The following TTC7A variants were observed in gnomAD, a reference collection of about 807,000 sequenced individuals.
TTC7A encodes tetratricopeptide repeat protein 7A.
A neutral mutation model predicts 103.7 loss-of-function variants in TTC7A; 110 were observed. That is an observed-to-expected ratio of 1.06 (90% CI 0.91 to 1.24). The LOEUF (loss-of-function observed/expected upper bound fraction) is 1.24. TTC7A is among the 50% of genes most tolerant of loss of function. The pLI is 0.00. For synonymous variants in TTC7A, 521 were observed against 467.9 expected (o/e 1.11, Z -1.47); for missense variants, 1,340 against 1,116.3 (o/e 1.20, Z -2.86).
chr2:46,978,983 T>A (rs933691340), intron 5 of TTC7A, 76 bp downstream of exon 5: 11 of 973,864 alleles, frequency 1.1e-5, no homozygotes, highest in Admixed American at 1.9e-5. Context: ...TTAAGGCTGC[T>A]CTCCCTCTTC....
At chr2:47,036,718 C>T (rs1681146744) in intron 15 of TTC7A, among the ~76,000 whole-genome samples, 1 of 152,292 alleles carries the variant, frequency 6.6e-6, no homozygotes, top group African/African-American at 2.4e-5. Flanking sequence ...GTTAACCAGG[C>T]GTGGTGGCAC....
At position 46,961,489 on chromosome 2, in the gene TTC7A, A is replaced by G. The variant is rs181805605; in HGVS notation, c.517+4482A>G. ...CTACTCAGGAGGCTGAGGCAGGAGA[A>G]TGGCATGAACCCGGGAGGCGGAGCT... On this transcript the variant is annotated intron_variant, in intron 3 of 19. Coordinates refer to ENST00000319190, the MANE Select transcript of TTC7A (RefSeq NM_020458.4). Among the ~76,000 whole-genome samples, 839 of 152,108 alleles carry G rather than the reference A, an allele frequency of 5.5e-3. 14 individuals are homozygous for G. Among genetic ancestry groups the G allele is most frequent in the African/African-American group, 0.019 (777 of 41,476 alleles).
upstream of TTC7A, among the ~76,000 whole-genome samples, chr2:46,936,465 C>T (rs1195537612): frequency 1.3e-5 from 2 of 152,108 alleles, no homozygotes; most frequent in African/African-American, 4.8e-5. Flanking sequence ...CCTCTGTCTG[C>T]TGGGAACTGT....
In TTC7A at chr2:47,053,837, G is replaced by C. The variant is rs111669703; in HGVS notation, c.2152+1957G>C. Among the ~76,000 whole-genome samples the C allele has an allele frequency of 1.5e-3, 236 of 152,354 alleles. 2 individuals are homozygous for C. The highest frequency in any genetic ancestry group is 5.3e-3 in the African/African-American group (221 of 41,580). On this transcript the variant is annotated intron_variant, in intron 18 of 19. Transcript: ENST00000319190. ...GATCTGCCCGCCGTGGCCCACCAAA[G>C]TGCTGGGATTACAGGCGTGAGCCAC...
At chr2:46,954,136 C>T (rs1291903476) in intron 2 of TTC7A, among the ~76,000 whole-genome samples, 1 of 152,184 alleles carries the variant, frequency 6.6e-6, no homozygotes, top group Admixed American at 6.5e-5. Context: ...GATCACACCC[C>T]CACTTTTATA....
chr2:47,061,074 C>A (rs2104780543), intron 19 of TTC7A, 103 bp downstream of exon 19: 1 of 1,229,246 alleles, frequency 8.1e-7, no homozygotes, highest in Non-Finnish European at 1.1e-6. Flanking sequence ...CCTGCCTGTG[C>A]CTTGCTACTG....
intron 5 of TTC7A, among the ~76,000 whole-genome samples, chr2:46,979,812 G>A (rs557732799): frequency 6.6e-6 from 1 of 152,332 alleles, no homozygotes; most frequent in South Asian, 2.1e-4. Flanking sequence ...AGAGGCTTTG[G>A]GCCCCTTCCT....
intron 16 of TTC7A, among the ~76,000 whole-genome samples, chr2:47,048,729 A>G (rs1034758494): frequency 2.0e-5 from 3 of 152,050 alleles, no homozygotes; most frequent in African/African-American, 7.2e-5. Flanking sequence ...CAGCCTCCCA[A>G]ATAGCTGGGA....
chr2:46,974,153 GA>G (rs1402759937), intron 3 of TTC7A, among the ~76,000 whole-genome samples: 3 of 152,224 alleles, frequency 2.0e-5, no homozygotes, highest in Non-Finnish European at 2.9e-5. Flanking sequence ...GCGAGGTCTG[GA>G]ATAAAGAAAG....
chr2:47,060,864 A>T lies in TTC7A; in HGVS notation c.2248A>T (p.Met750Leu). The stretch of plus-strand genomic sequence containing the variant: ...CCCCACTTCTCACTCAGTACTCTAT[A>T]TGCGGGGCCGGCTGGCTGAGGTGAA... ...LFPTSHSVLY[M>L]RGRLAEVKGN... The change falls in exon 19 of 20, where the codon ATG (methionine) becomes TTG (leucine). Residue 750 changes from methionine (M) to leucine (L), a missense_variant. Transcript: ENST00000319190. 1 of 1,614,164 alleles carries T rather than the reference A, an allele frequency of 6.2e-7. No homozygotes were observed.
At chr2:46,987,430 C>T (rs1473528662) in intron 5 of TTC7A, among the ~76,000 whole-genome samples, 4 of 152,178 alleles carry the variant, frequency 2.6e-5, no homozygotes, top group Non-Finnish European at 5.9e-5. Flanking sequence ...AGCTGGTTGT[C>T]CCTGTCAGTG....
chr2:47,060,897 C>A lies in TTC7A; in HGVS notation c.2281C>A (p.Leu761Met). The change falls in exon 19 of 20, where the codon CTG becomes ATG. Residue 761 changes from leucine to methionine, a missense_variant. Physicochemically the swap from Leu to Met is conservative, Grantham distance 15. Transcript: ENST00000319190. ...CCGGCTGGCTGAGGTGAAGGGCAACCTGGAGGAGGCCAAGCAGCTGTACAA... is the reference window on the plus strand; with the variant it reads ...CCGGCTGGCTGAGGTGAAGGGCAACATGGAGGAGGCCAAGCAGCTGTACAA... The part of the protein sequence containing the change: ...RGRLAEVKGN[L>M]EEAKQLYKEA... 6.2e-7 allele frequency: 1 copy of A among 1,614,208 alleles called. No homozygotes were observed. Among genetic ancestry groups the A allele is most frequent in the Middle Eastern group, 1.6e-4 (1 of 6,062 alleles).
chr2:47,046,039 G>T (rs1361706837), intron 15 of TTC7A, among the ~76,000 whole-genome samples: 2 of 152,236 alleles, frequency 1.3e-5, no homozygotes, highest in African/African-American at 4.8e-5. Flanking sequence ...AGATGGGCAG[G>T]ATGGCACATG....
At chr2:47,006,155 C>T (rs1319204731) in intron 9 of TTC7A, 96 bp downstream of exon 9, 4 of 1,496,888 alleles carry the variant, frequency 2.7e-6, no homozygotes, top group East Asian at 4.6e-5. Context: ...ACCTGTCATT[C>T]CCCTGCCAGG....
Position 47,011,423 on chromosome 2 carries a change from G to A in TTC7A, c.1380G>A (p.Gly460=). Residue 460 remains glycine, a synonymous_variant, in exon 11 of 20, where the codon GGG becomes GGA. Transcript: ENST00000319190. ...TGATGGCCGCGAAGGTCTGCATCGG[G>A]TCCCTTCGCTGGGTGAGTGAGCTGT... ...VPLMAAKVCI[G]SLRWLEEAEH... 1 of 1,606,978 alleles carries A rather than the reference G, an allele frequency of 6.2e-7. No individual in the cohort carries two copies. Among genetic ancestry groups the A allele is most frequent in the Non-Finnish European group, 8.5e-7 (1 of 1,179,624 alleles).
At chr2:46,990,011 C>T (rs55641002) in intron 5 of TTC7A, among the ~76,000 whole-genome samples, 10,284 of 152,254 alleles carry the variant, frequency 0.068, 383 homozygotes, top group Non-Finnish European at 0.079. Flanking sequence ...GGGCCACAGT[C>T]ATTCTTGGCT....
chr2:46,937,459 C>A (rs978291846), upstream of TTC7A, among the ~76,000 whole-genome samples: 26 of 152,184 alleles, frequency 1.7e-4, no homozygotes, highest in African/African-American at 6.3e-4. This position sits in a 1 kb window ranked among gnomAD's most constrained non-coding sequence, Gnocchi z 4.0. Flanking sequence ...AAAGACTCTT[C>A]AAGGCCTAAA....
intron 2 of TTC7A, among the ~76,000 whole-genome samples, chr2:46,921,518 A>G (rs1003437089): frequency 7.9e-5 from 12 of 152,230 alleles, no homozygotes; most frequent in African/African-American, 2.7e-4. Flanking sequence ...TAGTCCTGCA[A>G]TAGTGTCTAC....
intron 18 of TTC7A, chr2:47,054,063 C>A: frequency 1.0e-6 from 1 of 962,934 alleles, no homozygotes; most frequent in Non-Finnish European, 1.2e-6. Context: ...TGCACATGAG[C>A]CTTTCTTCTT....
Sources: allele counts gnomAD v4.1 joint callset (sites outside exome capture counted in the v4.1 genomes callset), GRCh38; gene constraint gnomAD v4.1.1; non-coding constraint Gnocchi (gnomAD v3.1); transcripts MANE v1.5; gene names NCBI Gene and HGNC (gene_info 2026-07-23, HGNC 2026-07-21).